The following RPS6KC1 variants were observed in gnomAD, a reference collection of about 807,000 sequenced individuals.
RPS6KC1 encodes the protein ribosomal protein S6 kinase C1.
Under a neutral mutation model 103.8 loss-of-function variants are expected in RPS6KC1, and 54 were observed. The ratio of observed to expected loss-of-function variants is 0.52; its 90% CI spans 0.42 to 0.65. The LOEUF (loss-of-function observed/expected upper bound fraction) is 0.65, where lower values mean the gene tolerates loss of function less well. RPS6KC1 is among the 30% of genes least tolerant of loss of function. RPS6KC1 has a pLI of 0.00. For missense variants in RPS6KC1, 1,151 were observed against 1,253.8 expected, an observed-to-expected ratio of 0.92 and a Z score of 1.24; for synonymous variants, 439 against 438.7, an observed-to-expected ratio of 1.00 and a Z score of -0.01.
intron 6 of RPS6KC1, among the ~76,000 whole-genome samples, chr1:213,147,276 A>G (rs188425389): frequency 2.1e-3 from 321 of 152,236 alleles, no homozygotes; most frequent in Admixed American, 4.4e-3. Context: ...TCCCAAACCA[A>G]TATCCTGGAG....
the RPS6KC1 span, among the ~76,000 whole-genome samples, chr1:213,558,571 G>A: frequency 3.9e-5 from 6 of 152,278 alleles, no homozygotes; most frequent in East Asian, 1.2e-3. Flanking sequence ...AGTCTTCTAC[G>A]TGACTCTTCT....
the RPS6KC1 span, among the ~76,000 whole-genome samples, chr1:213,523,987 C>A: frequency 6.6e-6 from 1 of 152,102 alleles, no homozygotes; most frequent in Non-Finnish European, 1.5e-5. Flanking sequence ...AAAGTCACGG[C>A]GGGAGGCTGA....
chr1:213,231,984 A>C, intron 9 of RPS6KC1, 139 bp from the exon 10 acceptor site: 2 of 1,020,282 alleles, frequency 2.0e-6, no homozygotes, highest in Non-Finnish European at 2.9e-6. Context: ...GGGGGCATAG[A>C]GCAGCAGATG....
At chr1:213,309,091 A>G in the RPS6KC1 span, among the ~76,000 whole-genome samples, 1 of 152,140 alleles carries the variant, frequency 6.6e-6, no homozygotes, top group Non-Finnish European at 1.5e-5. Flanking sequence ...GGAGTTCGAG[A>G]CCAGCCTGGC....
chr1:213,437,353 G>C, the RPS6KC1 span, among the ~76,000 whole-genome samples: 6 of 152,078 alleles, frequency 3.9e-5, no homozygotes, highest in Non-Finnish European at 8.8e-5. Context: ...TGTATTCTTT[G>C]AATAAAATTA....
chr1:213,396,251 A>C, the RPS6KC1 span, among the ~76,000 whole-genome samples: 2 of 152,068 alleles, frequency 1.3e-5, no homozygotes, highest in Non-Finnish European at 2.9e-5. Flanking sequence ...TCTACCCTTT[A>C]GTGATGTTGC....
chr1:213,395,087 A>G, the RPS6KC1 span, among the ~76,000 whole-genome samples: 4 of 151,688 alleles, frequency 2.6e-5, no homozygotes, highest in African/African-American at 9.7e-5. Context: ...CCTGGCTGCC[A>G]TTGGCCAATA....
chr1:213,678,206 A>G, the RPS6KC1 span, among the ~76,000 whole-genome samples: 1 of 152,340 alleles, frequency 6.6e-6, no homozygotes, highest in South Asian at 2.1e-4. Flanking sequence ...CTGGCCCTTG[A>G]TTTCTGAAAC....
At chr1:213,759,199 C>A in the RPS6KC1 span, among the ~76,000 whole-genome samples, 2,420 of 151,844 alleles carry the variant, frequency 0.016, 34 homozygotes, top group Non-Finnish European at 0.026. Context: ...TTATGACTTG[C>A]TGAAGACTCA....
At chr1:213,118,272 T>C (rs941541268) in intron 5 of RPS6KC1, among the ~76,000 whole-genome samples, 1 of 151,982 alleles carries the variant, frequency 6.6e-6, no homozygotes, top group Non-Finnish European at 1.5e-5. Context: ...ATTTCAGCCT[T>C]TGGATTTCTG....
chr1:213,154,323 T>C (rs1052720484), intron 6 of RPS6KC1, among the ~76,000 whole-genome samples: 2 of 152,254 alleles, frequency 1.3e-5, no homozygotes, highest in African/African-American at 4.8e-5. Context: ...CAGCCAGGCC[T>C]GTGTCCTTCC....
chr1:213,750,412 CTGTT>C, the RPS6KC1 span, among the ~76,000 whole-genome samples: 4 of 152,222 alleles, frequency 2.6e-5, no homozygotes, highest in Non-Finnish European at 4.4e-5. Context: ...ATCTTTATCT[CTGTT>C]TGTTCTTGCT....
chr1:213,845,479 A>G, the RPS6KC1 span, among the ~76,000 whole-genome samples: 22 of 152,346 alleles, frequency 1.4e-4, no homozygotes, highest in African/African-American at 5.3e-4. Flanking sequence ...GAGCACATTT[A>G]TTAATTTCTT....
chr1:213,488,293 G>C, the RPS6KC1 span, among the ~76,000 whole-genome samples: 1 of 152,198 alleles, frequency 6.6e-6, no homozygotes. Flanking sequence ...CTACAACATA[G>C]TGTATGTAAC....
chr1:213,349,647 G>T, the RPS6KC1 span, among the ~76,000 whole-genome samples: 8 of 152,178 alleles, frequency 5.3e-5, no homozygotes, highest in Admixed American at 2.0e-4. Flanking sequence ...CTTCTTGTTT[G>T]AACCCAGATT....
At chr1:213,738,247 T>G in the RPS6KC1 span, among the ~76,000 whole-genome samples, 1 of 152,180 alleles carries the variant, frequency 6.6e-6, no homozygotes, top group Non-Finnish European at 1.5e-5. Flanking sequence ...CTGTTAAAAC[T>G]CTAGGTGCCA....
At chr1:213,056,558 T>A (rs1382907434) in intron 1 of RPS6KC1, among the ~76,000 whole-genome samples, 1 of 152,178 alleles carries the variant, frequency 6.6e-6, no homozygotes, top group Non-Finnish European at 1.5e-5. Context: ...AGTGAGGGAA[T>A]TAATGGGAAG....
the RPS6KC1 span, among the ~76,000 whole-genome samples, chr1:213,725,208 G>A: frequency 4.5e-4 from 69 of 152,290 alleles, no homozygotes; most frequent in African/African-American, 1.6e-3. Flanking sequence ...ACTTGGATAC[G>A]AGGCATGCAC....
intron 3 of RPS6KC1, among the ~76,000 whole-genome samples, chr1:213,082,588 G>A (rs144692007): frequency 2.1e-4 from 32 of 152,316 alleles, no homozygotes; most frequent in Non-Finnish European, 4.4e-4. Flanking sequence ...CAACACTGTT[G>A]CCTACAGTTA....
Sources: gnomAD v4.1 joint callset for allele counts (sites outside exome capture counted in the v4.1 genomes callset) on GRCh38, gnomAD v4.1.1 for gene constraint, MANE v1.5 for transcripts, NCBI Gene and HGNC (gene_info 2026-07-23, HGNC 2026-07-21) for gene names.